Variants in MGAT4C observed in about 807,000 individuals in gnomAD.
MGAT4C encodes MGAT4 family member C.
A neutral mutation model predicts 40.1 loss-of-function variants in MGAT4C; 19 were observed. The observed-to-expected ratio is 0.47, with a 90% CI of 0.33 to 0.70. MGAT4C has a LOEUF of 0.70. Ranked by LOEUF, MGAT4C falls within the 30% of genes least tolerant of loss-of-function variation. The pLI is 0.02. For synonymous variants in MGAT4C, 181 were observed against 187.1 expected (o/e 0.97, Z 0.27); for missense variants, 491 against 563.2 (o/e 0.87, Z 1.30).
At chr12:86,065,514 T>G (rs973128119) in intron 1 of MGAT4C, among the ~76,000 whole-genome samples, 9 of 152,180 alleles carry the variant, frequency 5.9e-5, no homozygotes, top group African/African-American at 2.2e-4. Flanking sequence ...CAACACCCCT[T>G]CATGCTAAAA....
intron 2 of MGAT4C, among the ~76,000 whole-genome samples, chr12:86,645,026 A>T (rs1271589018): frequency 6.6e-6 from 1 of 151,684 alleles, no homozygotes; most frequent in Non-Finnish European, 1.5e-5. Context: ...TTTAAAATTT[A>T]AGTTAACAAC....
At chr12:86,609,115 T>C (rs985698085) in intron 2 of MGAT4C, among the ~76,000 whole-genome samples, 1 of 152,072 alleles carries the variant, frequency 6.6e-6, no homozygotes, top group African/African-American at 2.4e-5. Flanking sequence ...GTAAAATAAA[T>C]AAATTTATAA....
At position 86,832,097 on chromosome 12, in the gene MGAT4C, G is replaced by A. The variant is rs115157962; in HGVS notation, c.-262+6569C>T. On this transcript the variant is annotated intron_variant, in intron 1 of 7. Coordinates refer to the MGAT4C transcript ENST00000548651. Reference sequence around the variant, plus strand: ...CTCAGTTCTACAAAAAATACTGTAGGCACATCAGATGCATCACTGAACTTA... The same window carrying A: ...CTCAGTTCTACAAAAAATACTGTAGACACATCAGATGCATCACTGAACTTA... 3.9e-3 allele frequency among the ~76,000 whole-genome samples: 592 copies of A among 151,754 alleles called. 2 individuals are homozygous for A. The highest frequency in any genetic ancestry group is 0.014 in the African/African-American group (579 of 41,438).
At chr12:86,823,606 T>C (rs1390775076) in intron 1 of MGAT4C, among the ~76,000 whole-genome samples, 1 of 148,016 alleles carries the variant, frequency 6.8e-6, no homozygotes, top group Non-Finnish European at 1.5e-5. Flanking sequence ...CATAAAACTA[T>C]CAAAAAAAGA....
chr12:86,710,696 A>C (rs1424822623), intron 2 of MGAT4C, among the ~76,000 whole-genome samples: 1 of 152,214 alleles, frequency 6.6e-6, no homozygotes, highest in Non-Finnish European at 1.5e-5. Context: ...GTATCTACCC[A>C]AAGGAAAAAA....
intron 1 of MGAT4C, among the ~76,000 whole-genome samples, chr12:86,196,565 C>T (rs1566127304): frequency 6.6e-6 from 1 of 152,222 alleles, no homozygotes; most frequent in African/African-American, 2.4e-5. Context: ...GGCTGTTCTT[C>T]CTATTTCTTG....
At chr12:86,012,775 AACAACCACCACCACC>A (rs1888607985) in intron 2 of MGAT4C, among the ~76,000 whole-genome samples, 1 of 115,356 alleles carries the variant, frequency 8.7e-6, no homozygotes. Flanking sequence ...CAACAACAAC[AACAACCACCACCACC>A]ACCACCACCA....
intron 2 of MGAT4C, among the ~76,000 whole-genome samples, chr12:86,642,046 T>A (rs774501193): frequency 4.0e-5 from 6 of 151,774 alleles, no homozygotes; most frequent in Non-Finnish European, 7.4e-5. Flanking sequence ...TACTTAAAAA[T>A]GCAAGAACGA....
chr12:86,308,629 G>T (rs1953998345), intron 4 of MGAT4C, among the ~76,000 whole-genome samples: 1 of 150,604 alleles, frequency 6.6e-6, no homozygotes, highest in South Asian at 2.1e-4. Flanking sequence ...TCAGTAAATA[G>T]ATTTTTAAAA....
At chr12:86,240,068 A>G (rs1951720186) in intron 1 of MGAT4C, among the ~76,000 whole-genome samples, 1 of 151,030 alleles carries the variant, frequency 6.6e-6, no homozygotes, top group Non-Finnish European at 1.5e-5. Context: ...AAATAAAATT[A>G]TATCTCTAAT....
At chr12:86,563,636 C>A (rs1378747014) in intron 2 of MGAT4C, among the ~76,000 whole-genome samples, 6 of 152,164 alleles carry the variant, frequency 3.9e-5, no homozygotes, top group African/African-American at 1.4e-4. Context: ...CATCCTTCCC[C>A]AAGGAGACCT....
chr12:86,027,568 G>A (rs554256708), intron 2 of MGAT4C, among the ~76,000 whole-genome samples: 7 of 151,680 alleles, frequency 4.6e-5, no homozygotes, highest in Non-Finnish European at 1.0e-4. Context: ...TAAAATATAG[G>A]TCAATATACA....
chr12:86,737,895 T>C (rs1395334453), intron 1 of MGAT4C, among the ~76,000 whole-genome samples: 1 of 151,592 alleles, frequency 6.6e-6, no homozygotes, highest in African/African-American at 2.4e-5. Flanking sequence ...ACCTAAATTT[T>C]AGAATAAACT....
chr12:86,552,026 C>CAAAAAAAA (rs201076856), intron 2 of MGAT4C, among the ~76,000 whole-genome samples: 12 of 60,640 alleles, frequency 2.0e-4, no homozygotes, highest in African/African-American at 4.0e-4. Flanking sequence ...TTAAAAAAAG[C>CAAAAAAAA]AAAAAAAAAA....
intron 2 of MGAT4C, among the ~76,000 whole-genome samples, chr12:86,650,631 G>C (rs1963669612): frequency 6.6e-6 from 1 of 151,832 alleles, no homozygotes; most frequent in South Asian, 2.1e-4. Flanking sequence ...GTTGAAAATA[G>C]ATGTCTGTAT....
At chr12:86,578,560 G>C (rs1960653806) in intron 2 of MGAT4C, among the ~76,000 whole-genome samples, 1 of 151,626 alleles carries the variant, frequency 6.6e-6, no homozygotes, top group African/African-American at 2.4e-5. Flanking sequence ...TTATTGGCCT[G>C]TTCAGGTTTT....
At chr12:86,720,495 C>T (rs1432409576) in intron 2 of MGAT4C, among the ~76,000 whole-genome samples, 1 of 152,038 alleles carries the variant, frequency 6.6e-6, no homozygotes, top group Non-Finnish European at 1.5e-5. Context: ...AAAGTACTAC[C>T]CCAATTAGGT....
chr12:86,811,233 A>T (rs1409392508), intron 1 of MGAT4C, among the ~76,000 whole-genome samples: 1 of 151,222 alleles, frequency 6.6e-6, no homozygotes, highest in Non-Finnish European at 1.5e-5. Flanking sequence ...TTTCATTTTT[A>T]AATGATCGAC....
chr12:86,265,295 A>C (rs1241110598), intron 4 of MGAT4C, among the ~76,000 whole-genome samples: 1 of 152,220 alleles, frequency 6.6e-6, no homozygotes, highest in East Asian at 1.9e-4. Context: ...AGCAAAACTC[A>C]GGCAAAAGCG....
Sources: gnomAD v4.1 joint callset for allele counts (sites outside exome capture counted in the v4.1 genomes callset) on GRCh38, gnomAD v4.1.1 for gene constraint, MANE v1.5 for transcripts, NCBI Gene and HGNC (gene_info 2026-07-23, HGNC 2026-07-21) for gene names.